The following SLC16A9 variants were observed in gnomAD, a reference collection of about 807,000 sequenced individuals.
The protein encoded by SLC16A9 is solute carrier family 16 member 9.
A neutral mutation model predicts 44.3 loss-of-function variants in SLC16A9; 26 were observed. That is an observed-to-expected ratio of 0.59 (90% CI 0.43 to 0.81). The LOEUF is 0.81. Ranked by LOEUF, SLC16A9 falls within the 40% of genes least tolerant of loss-of-function variation. The pLI is 0.00. For synonymous variants in SLC16A9, 230 were observed against 225.1 expected (o/e 1.02, Z -0.19); for missense variants, 559 against 595.8 (o/e 0.94, Z 0.64).
At chr10:59,701,897 C>T (rs1840531782) in intron 1 of SLC16A9, among the ~76,000 whole-genome samples, 2 of 152,220 alleles carry the variant, frequency 1.3e-5, no homozygotes, top group Non-Finnish European at 2.9e-5. Context: ...ATCTGTGAAA[C>T]TCTACATCAG....
intron 1 of SLC16A9, among the ~76,000 whole-genome samples, chr10:59,685,830 G>A (rs1430359468): frequency 6.6e-6 from 1 of 152,150 alleles, no homozygotes; most frequent in African/African-American, 2.4e-5. Flanking sequence ...GGATCATTGA[G>A]GCCAGGTATT....
intron 3 of SLC16A9, among the ~76,000 whole-genome samples, chr10:59,666,594 A>T (rs1166108976): frequency 6.6e-6 from 1 of 152,220 alleles, no homozygotes; most frequent in Non-Finnish European, 1.5e-5. Flanking sequence ...CATAGGCTTC[A>T]CAACCACACC....
chr10:59,672,748 T>G (rs745559317), intron 3 of SLC16A9, 22 bp downstream of exon 3: 2 of 1,604,928 alleles, frequency 1.2e-6, no homozygotes, highest in Non-Finnish European at 1.7e-6. Context: ...GTTAGGAAAG[T>G]CATAGTGACG....
At chr10:59,655,176 G>A (rs1839321611) in intron 4 of SLC16A9, among the ~76,000 whole-genome samples, 2 of 152,136 alleles carry the variant, frequency 1.3e-5, no homozygotes, top group Admixed American at 6.5e-5. Flanking sequence ...TGTAGTCCCA[G>A]CTACTTGGGA....
At chr10:59,691,755 T>C (rs545918069) in intron 1 of SLC16A9, among the ~76,000 whole-genome samples, 1 of 152,342 alleles carries the variant, frequency 6.6e-6, no homozygotes, top group East Asian at 1.9e-4. Flanking sequence ...CGATTATGTT[T>C]AGTTCTGCTC....
chr10:59,683,743 T>G (rs1466311673), intron 2 of SLC16A9, among the ~76,000 whole-genome samples: 4 of 152,220 alleles, frequency 2.6e-5, no homozygotes, highest in Non-Finnish European at 5.9e-5. Flanking sequence ...TCTCCCTGAC[T>G]CATTCTTACT....
At chr10:59,682,174 C>T (rs949920967) in intron 2 of SLC16A9, among the ~76,000 whole-genome samples, 2 of 152,052 alleles carry the variant, frequency 1.3e-5, no homozygotes, top group African/African-American at 4.8e-5. Context: ...TGATAAGATG[C>T]CCTAACTCTC....
At chr10:59,701,495 C>T (rs980360610) in intron 1 of SLC16A9, among the ~76,000 whole-genome samples, 1 of 152,204 alleles carries the variant, frequency 6.6e-6, no homozygotes, top group African/African-American at 2.4e-5. Flanking sequence ...TACAAAAGGA[C>T]ACTAAGATAT....
chr10:59,702,895 G>T (rs1290551699), intron 1 of SLC16A9, among the ~76,000 whole-genome samples: 2 of 152,204 alleles, frequency 1.3e-5, no homozygotes, highest in East Asian at 3.9e-4. Context: ...CAGAATACGT[G>T]GTGAAATATT....
In SLC16A9 at chr10:59,651,473, C is replaced by T. The variant is rs1287741888; in HGVS notation, c.*1299G>A. 6.6e-6 allele frequency: 1 copy of T among 152,120 alleles called. No individual in the cohort carries two copies. Among genetic ancestry groups the T allele is most frequent in the Non-Finnish European group, 1.5e-5 (1 of 68,028 alleles). 9.4% of individuals were successfully genotyped at this position (152,120 alleles called of 1,614,324 possible). A position where few individuals can be genotyped will look rare whatever the true frequency, so the allele number is the denominator to read the frequency against. Reference sequence around the variant, plus strand: ...TCAATCCAGGCTGTGTTATCAGAATCACTTGAAGAGCTCAGTAAAATTATA... The same window carrying T: ...TCAATCCAGGCTGTGTTATCAGAATTACTTGAAGAGCTCAGTAAAATTATA... On this transcript the variant is annotated 3_prime_UTR_variant, in exon 6 of 6. Coordinates refer to ENST00000395348, the MANE Select transcript of SLC16A9 (RefSeq NM_194298.3).
chr10:59,650,937 T>G lies in SLC16A9; in HGVS notation c.*1835A>C, dbSNP rs1839182192. ...GTCAAACTTTTTCAGGTTATTGGGT[T>G]TCCTGAACATAACTGGCAAAAAGGA... On this transcript the variant is annotated 3_prime_UTR_variant, in exon 6 of 6. Coordinates refer to ENST00000395348, the MANE Select transcript of SLC16A9 (RefSeq NM_194298.3). 6.6e-6 allele frequency: 1 copy of G among 152,088 alleles called. No individual in the cohort carries two copies. Among genetic ancestry groups the G allele is most frequent in the African/African-American group, 2.4e-5 (1 of 41,366 alleles). The allele number at this position is 152,088 out of a possible 1,614,324, so 9.4% of individuals were successfully genotyped here. A position where few individuals can be genotyped will look rare whatever the true frequency, so the allele number is the denominator to read the frequency against.
At chr10:59,705,097 C>T (rs1403554161) in intron 1 of SLC16A9, among the ~76,000 whole-genome samples, 1 of 151,786 alleles carries the variant, frequency 6.6e-6, no homozygotes, top group Non-Finnish European at 1.5e-5. Flanking sequence ...CATTTTTTTT[C>T]GTCCCACATC....
At chr10:59,658,545 T>C (rs1354135689) in intron 4 of SLC16A9, among the ~76,000 whole-genome samples, 1 of 151,882 alleles carries the variant, frequency 6.6e-6, no homozygotes, top group African/African-American at 2.4e-5. Context: ...AGGCTTGTGC[T>C]TCTAACTCGA....
At chr10:59,672,224 C>T (rs1490418054) in intron 3 of SLC16A9, among the ~76,000 whole-genome samples, 1 of 152,152 alleles carries the variant, frequency 6.6e-6, no homozygotes, top group African/African-American at 2.4e-5. Context: ...CCCCTGTAAC[C>T]AGCATCATCC....
chr10:59,674,742 C>T (rs1429856607), intron 2 of SLC16A9, among the ~76,000 whole-genome samples: 1 of 152,158 alleles, frequency 6.6e-6, no homozygotes, highest in African/African-American at 2.4e-5. Flanking sequence ...GGAATTGAAA[C>T]ACACAGAGAT....
At chr10:59,664,477 C>T (rs1221364580) in intron 3 of SLC16A9, among the ~76,000 whole-genome samples, 155 bp from the exon 4 acceptor site, 1 of 152,104 alleles carries the variant, frequency 6.6e-6, no homozygotes, top group Non-Finnish European at 1.5e-5. Flanking sequence ...TGTGTGTAGC[C>T]CCAATAGACA....
At chr10:59,690,058 G>A (rs1409220535) in intron 1 of SLC16A9, among the ~76,000 whole-genome samples, 1 of 152,124 alleles carries the variant, frequency 6.6e-6, no homozygotes, top group Non-Finnish European at 1.5e-5. Context: ...GTGGTGGCAT[G>A]CACCTGTGGT....
chr10:59,656,557 A>G (rs562053249), intron 4 of SLC16A9, among the ~76,000 whole-genome samples: 2 of 152,342 alleles, frequency 1.3e-5, no homozygotes, highest in East Asian at 3.9e-4. Flanking sequence ...TCATCCCACA[A>G]GAACATGTCT....
chr10:59,668,431 G>A (rs1348234160), intron 3 of SLC16A9, among the ~76,000 whole-genome samples: 1 of 152,058 alleles, frequency 6.6e-6, no homozygotes, highest in Non-Finnish European at 1.5e-5. Flanking sequence ...TCAAGACTTA[G>A]CGCAAGCATA....
Sources: allele counts gnomAD v4.1 joint callset (sites outside exome capture counted in the v4.1 genomes callset), GRCh38; gene constraint gnomAD v4.1.1; transcripts MANE v1.5; gene names NCBI Gene and HGNC (gene_info 2026-07-23, HGNC 2026-07-21).